The following ETS1 variants were observed in gnomAD, a reference collection of about 807,000 sequenced individuals.
ETS1 encodes the protein protein C-ets-1.
Under a neutral mutation model 58.6 loss-of-function variants are expected in ETS1, and 15 were observed. That is an observed-to-expected ratio of 0.26 (90% CI 0.17 to 0.39). ETS1 has a LOEUF of 0.39. Ranked by LOEUF, ETS1 falls within the 10% of genes least tolerant of loss-of-function variation. The probability of loss-of-function intolerance (pLI) is 1.00; values close to 1 mark genes in which losing one functional copy is unlikely to be tolerated. For synonymous variants in ETS1, 214 were observed against 218.2 expected (o/e 0.98, Z 0.17); for missense variants, 417 against 610.5 (o/e 0.68, Z 3.34).
chr11:128,550,198 T>C (rs936769634), intron 3 of ETS1, among the ~76,000 whole-genome samples: 9 of 152,142 alleles, frequency 5.9e-5, no homozygotes, highest in Non-Finnish European at 1.0e-4. Context: ...GGCTGGCTCT[T>C]CCCACAACAC....
intron 8 of ETS1, among the ~76,000 whole-genome samples, chr11:128,465,737 C>T (rs1166030476): frequency 1.3e-5 from 2 of 152,200 alleles, no homozygotes; most frequent in Non-Finnish European, 2.9e-5. Flanking sequence ...CTAATGAGTG[C>T]TATGCTTGAC....
At chr11:128,494,794 T>C (rs1862894714) in intron 3 of ETS1, among the ~76,000 whole-genome samples, 1 of 152,180 alleles carries the variant, frequency 6.6e-6, no homozygotes, top group Admixed American at 6.5e-5. Context: ...GCTCTCACTA[T>C]TCTCAATCAA....
chr11:128,520,287 G>A (rs1863631433), intron 3 of ETS1, among the ~76,000 whole-genome samples: 1 of 152,150 alleles, frequency 6.6e-6, no homozygotes, highest in Non-Finnish European at 1.5e-5. Flanking sequence ...TCTGAAACAT[G>A]TGTTGCCAGG....
At chr11:128,518,686 GT>G (rs560923811) in intron 3 of ETS1, among the ~76,000 whole-genome samples, 3 of 152,230 alleles carry the variant, frequency 2.0e-5, no homozygotes, top group Non-Finnish European at 2.9e-5. Flanking sequence ...TGGGAGCACA[GT>G]GAGCAAGTGA....
intron 3 of ETS1, among the ~76,000 whole-genome samples, chr11:128,519,168 T>C (rs1324077297): frequency 6.6e-6 from 1 of 152,246 alleles, no homozygotes; most frequent in Non-Finnish European, 1.5e-5. Context: ...AATTCTACTG[T>C]TATTTCAGAG....
intron 1 of ETS1, among the ~76,000 whole-genome samples, chr11:128,580,176 TAAAAAA>T (rs140049360): frequency 2.0e-5 from 2 of 102,396 alleles, no homozygotes; most frequent in Admixed American, 1.0e-4. Context: ...GTTTGGACAT[TAAAAAA>T]AAAAAAAAAA....
chr11:128,507,229 C>T (rs758973649), intron 3 of ETS1, among the ~76,000 whole-genome samples: 7 of 152,104 alleles, frequency 4.6e-5, no homozygotes, highest in Non-Finnish European at 7.4e-5. Context: ...GAGCCGGGCT[C>T]CACCCTCCAT....
intron 3 of ETS1, chr11:128,530,429 A>C (rs1565399097): frequency 6.6e-6 from 1 of 152,282 alleles, no homozygotes; most frequent in Non-Finnish European, 1.5e-5. Context: ...ATTTAATCAG[A>C]CAGGCCTGTG....
intron 2 of ETS1, among the ~76,000 whole-genome samples, chr11:128,569,257 C>T (rs1864571018): frequency 6.9e-6 from 1 of 145,064 alleles, no homozygotes. Flanking sequence ...TACTGAAAAC[C>T]CCAATACTCT....
intron 1 of ETS1, among the ~76,000 whole-genome samples, chr11:128,584,547 A>C (rs1350542413): frequency 6.6e-6 from 1 of 152,216 alleles, no homozygotes; most frequent in Non-Finnish European, 1.5e-5. Flanking sequence ...GGATGTTGGA[A>C]CATACCAAGT....
chr11:128,471,134 T>C (rs1040387279), intron 8 of ETS1, among the ~76,000 whole-genome samples: 33 of 152,252 alleles, frequency 2.2e-4, no homozygotes, highest in African/African-American at 7.9e-4. Flanking sequence ...CAAATGCCAA[T>C]AGTTTGGGCC....
At chr11:128,518,797 A>C (rs1226095743) in intron 3 of ETS1, among the ~76,000 whole-genome samples, 1 of 152,224 alleles carries the variant, frequency 6.6e-6, no homozygotes, top group Non-Finnish European at 1.5e-5. Flanking sequence ...TCCTATCTCT[A>C]AGTATAACGC....
At chr11:128,581,311 C>T (rs964079833) in intron 1 of ETS1, among the ~76,000 whole-genome samples, 4 of 152,198 alleles carry the variant, frequency 2.6e-5, no homozygotes, top group Non-Finnish European at 4.4e-5. Context: ...ACAATCTACA[C>T]TTTCTAGTCA....
At chr11:128,516,718 T>TA (rs1014022086) in intron 3 of ETS1, among the ~76,000 whole-genome samples, 14 of 151,980 alleles carry the variant, frequency 9.2e-5, no homozygotes, top group South Asian at 6.2e-4. Flanking sequence ...TGGACTTTTT[T>TA]AAAAAAAACT....
intron 5 of ETS1, 67 bp from the exon 6 acceptor site, chr11:128,486,213 C>G: frequency 1.0e-6 from 1 of 986,386 alleles, no homozygotes; most frequent in Non-Finnish European, 1.6e-6. Flanking sequence ...CTAAAAGGAT[C>G]TTGGATGCAA....
intron 1 of ETS1, among the ~76,000 whole-genome samples, chr11:128,585,033 AAAG>A (rs1565421113): frequency 1.9e-3 from 8 of 4,246 alleles, no homozygotes; most frequent in African/African-American, 6.5e-3. Flanking sequence ...GAAAGAAAGA[AAAG>A]AAAGAAAGAA....
At chr11:128,485,943 G>C in intron 6 of ETS1, 126 bp downstream of exon 6, 1 of 637,544 alleles carries the variant, frequency 1.6e-6, no homozygotes, top group East Asian at 2.7e-5. Context: ...TAACAAAGAA[G>C]AGTCTACATC....
At chr11:128,539,774 G>A (rs1039841101) in intron 3 of ETS1, among the ~76,000 whole-genome samples, 15 of 152,248 alleles carry the variant, frequency 9.9e-5, no homozygotes, top group African/African-American at 1.4e-4. Context: ...GCCATATAAT[G>A]GAATATTATT....
intron 8 of ETS1, among the ~76,000 whole-genome samples, chr11:128,471,795 T>C (rs921989097): frequency 6.6e-6 from 1 of 152,220 alleles, no homozygotes; most frequent in Non-Finnish European, 1.5e-5. Context: ...TGTTCACTGA[T>C]CAGGGTTAGA....
Sources: gnomAD v4.1 joint callset for allele counts (sites outside exome capture counted in the v4.1 genomes callset) on GRCh38, gnomAD v4.1.1 for gene constraint, MANE v1.5 for transcripts, NCBI Gene and HGNC (gene_info 2026-07-23, HGNC 2026-07-21) for gene names.